CSMD1: variants seen among roughly 807,000 people sequenced by gnomAD.
The protein encoded by CSMD1 is CUB and Sushi multiple domains 1, also known as CUB and sushi domain-containing protein 1.
In CSMD1, 213 loss-of-function variants were observed where a neutral mutation model predicts 417.5. The ratio of observed to expected loss-of-function variants is 0.51; its 90% CI spans 0.46 to 0.57. The LOEUF is 0.57. Among genes scored for constraint, CSMD1 ranks in the 20% least tolerant of loss-of-function variants. CSMD1 has a pLI of 0.00. For missense variants in CSMD1, 6,923 were observed against 4,529.7 expected (o/e 1.53, Z -15.17); for synonymous variants, 2,862 against 1,736.8 (o/e 1.65, Z -16.11).
intron 46 of CSMD1, among the ~76,000 whole-genome samples, chr8:3,103,045 T>C (rs1261311900): frequency 2.0e-5 from 3 of 152,152 alleles, no homozygotes; most frequent in Non-Finnish European, 4.4e-5. Flanking sequence ...CCTGGACCCA[T>C]TTAGATTCAG....
chr8:3,211,815 T>C (rs1304492240), intron 30 of CSMD1, among the ~76,000 whole-genome samples: 1 of 152,218 alleles, frequency 6.6e-6, no homozygotes. Flanking sequence ...CACAGGCAGC[T>C]CCTGGCCAAC....
intron 2 of CSMD1, among the ~76,000 whole-genome samples, chr8:4,573,665 C>A (rs575906494): frequency 6.6e-6 from 1 of 152,226 alleles, no homozygotes; most frequent in African/African-American, 2.4e-5. Flanking sequence ...AGGAGATCTG[C>A]TGCTGTCTTC....
At chr8:4,567,125 G>A (rs541888778) in intron 2 of CSMD1, among the ~76,000 whole-genome samples, 1 of 152,220 alleles carries the variant, frequency 6.6e-6, no homozygotes, top group Admixed American at 6.5e-5. Context: ...ATAAATCACA[G>A]CATCACAGCC....
At chr8:4,354,869 T>A (rs1009645730) in intron 3 of CSMD1, among the ~76,000 whole-genome samples, 11 of 116,272 alleles carry the variant, frequency 9.5e-5, no homozygotes, top group Non-Finnish European at 1.8e-4. Flanking sequence ...AAATGTAGTG[T>A]GTGTGTGTGT....
At chr8:2,995,873 G>C (rs1225536735) in intron 54 of CSMD1, among the ~76,000 whole-genome samples, 1 of 152,176 alleles carries the variant, frequency 6.6e-6, no homozygotes, top group Non-Finnish European at 1.5e-5. Context: ...GTGGAGACCA[G>C]GTTAATGGAT....
intron 8 of CSMD1, among the ~76,000 whole-genome samples, chr8:3,597,762 C>G (rs774803987): frequency 1.3e-5 from 2 of 152,020 alleles, no homozygotes; most frequent in Non-Finnish European, 2.9e-5. Context: ...TGCATGTTCT[C>G]ACTCATAAGT....
At chr8:3,498,705 G>A (rs1036182789) in intron 10 of CSMD1, among the ~76,000 whole-genome samples, 2 of 151,808 alleles carry the variant, frequency 1.3e-5, no homozygotes, top group African/African-American at 2.4e-5. Context: ...ATTCTTTTTT[G>A]TCTGACTGGC....
chr8:4,798,281 G>A (rs979681548), intron 1 of CSMD1, among the ~76,000 whole-genome samples: 14 of 152,226 alleles, frequency 9.2e-5, no homozygotes, highest in Middle Eastern at 3.4e-3. Context: ...CTGTCCTTGC[G>A]CTAGTTTGCT....
intron 5 of CSMD1, among the ~76,000 whole-genome samples, chr8:3,979,766 T>A (rs1418555492): frequency 6.6e-6 from 1 of 152,190 alleles, no homozygotes; most frequent in Non-Finnish European, 1.5e-5. Context: ...GAGAAATAAG[T>A]GTGTGTTATT....
rs372236761 is a variant in CSMD1 at position 4,460,520 on chromosome 8, A to G, written c.303-40455T>C. On this transcript the variant is annotated intron_variant, in intron 2 of 69. Transcript: ENST00000635120. The stretch of plus-strand genomic sequence containing the variant: ...AATAGAAAAAAATGAACGTAAGCAA[A>G]TTCAAAGAAATTTTTAAACCTTCTA... Among the ~76,000 whole-genome samples the G allele has an allele frequency of 3.9e-4, 59 of 152,300 alleles. 1 individual carries two copies. The highest frequency in any genetic ancestry group is 2.5e-3 in the South Asian group (12 of 4,832).
intron 26 of CSMD1, among the ~76,000 whole-genome samples, chr8:3,272,770 T>C (rs372739346): frequency 1.5e-4 from 22 of 149,390 alleles, no homozygotes; most frequent in Admixed American, 1.3e-3. Flanking sequence ...GTGATTTTTG[T>C]ACATTGATTT....
At chr8:3,153,828 C>T (rs1012608457) in intron 39 of CSMD1, among the ~76,000 whole-genome samples, 4 of 152,162 alleles carry the variant, frequency 2.6e-5, no homozygotes, top group African/African-American at 9.7e-5. Flanking sequence ...GTCAAACATG[C>T]ATCAATCACC....
intron 3 of CSMD1, among the ~76,000 whole-genome samples, chr8:4,040,514 G>A (rs1285095430): frequency 2.0e-5 from 3 of 152,204 alleles, no homozygotes; most frequent in Admixed American, 6.5e-5. Flanking sequence ...ATATGAAAAT[G>A]TGGCTAACAT....
intron 5 of CSMD1, among the ~76,000 whole-genome samples, chr8:3,933,204 C>G (rs183930538): frequency 7.4e-6 from 1 of 135,790 alleles, no homozygotes; most frequent in Admixed American, 7.1e-5. Flanking sequence ...TTTTCCAAAA[C>G]AATTTCTTGT....
In CSMD1 at chr8:3,329,067, G is replaced by C. The variant is rs145099241; in HGVS notation, c.3631+14227C>G. 5.8e-3 allele frequency among the ~76,000 whole-genome samples: 883 copies of C among 152,258 alleles called. 2 individuals carry two copies. Among genetic ancestry groups the C allele is most frequent in the African/African-American group, 0.018 (755 of 41,524 alleles). The stretch of plus-strand genomic sequence containing the variant: ...GAGGCTGCTGTTGGCATGGAATGGA[G>C]GTGGAAGATATGTAGTTGAGGGAGA... On this transcript the variant is annotated intron_variant, in intron 23 of 69. Coordinates refer to ENST00000635120, the MANE Select transcript of CSMD1 (RefSeq NM_033225.6).
intron 39 of CSMD1, among the ~76,000 whole-genome samples, chr8:3,155,662 C>A (rs1007619620): frequency 6.6e-6 from 1 of 151,162 alleles, no homozygotes; most frequent in African/African-American, 2.4e-5. Flanking sequence ...CCACCGCGCC[C>A]GGTCAAGGCT....
intron 1 of CSMD1, among the ~76,000 whole-genome samples, chr8:4,668,821 T>C (rs1179239139): frequency 6.6e-6 from 1 of 152,150 alleles, no homozygotes; most frequent in Non-Finnish European, 1.5e-5. Flanking sequence ...CATGATTTCT[T>C]CTCTATATCT....
intron 2 of CSMD1, among the ~76,000 whole-genome samples, chr8:4,424,951 C>T (rs1797459642): frequency 6.6e-6 from 1 of 151,868 alleles, no homozygotes. Flanking sequence ...GAGAGGTACT[C>T]AAGAACATAT....
rs1448517375 is a variant in CSMD1, at chr8:3,107,814, A to G, written c.6755-16T>C. ...AGCTGAAATGCTAAATGATTAATGGAAAGAATAATAATAATTGCAATTACA... is the reference window on the plus strand; with the variant it reads ...AGCTGAAATGCTAAATGATTAATGGGAAGAATAATAATAATTGCAATTACA... On this transcript the variant is annotated splice_polypyrimidine_tract_variant and intron_variant, in intron 44 of 69. Coordinates refer to ENST00000635120, the MANE Select transcript of CSMD1 (RefSeq NM_033225.6). The G allele has an allele frequency of 8.7e-6, 13 of 1,494,988 alleles. No individual in the cohort carries two copies. The East Asian group carries it at 9.4e-5, about 11-fold the overall frequency. 92.6% of individuals were successfully genotyped at this position (1,494,988 alleles called of 1,614,324 possible). A position where few individuals can be genotyped will look rare whatever the true frequency, so the allele number is the denominator to read the frequency against.
Sources: gnomAD v4.1 joint callset for allele counts (sites outside exome capture counted in the v4.1 genomes callset) on GRCh38, gnomAD v4.1.1 for gene constraint, MANE v1.5 for transcripts, NCBI Gene and HGNC (gene_info 2026-07-23, HGNC 2026-07-21) for gene names.